The following TNRC6B variants were observed in gnomAD, a reference collection of about 807,000 sequenced individuals.
TNRC6B encodes the protein trinucleotide repeat-containing gene 6B protein.
A neutral mutation model predicts 203.6 loss-of-function variants in TNRC6B; 52 were observed. That is an observed-to-expected ratio of 0.26 (90% CI 0.20 to 0.32). The LOEUF (loss-of-function observed/expected upper bound fraction) is 0.32. Ranked by LOEUF, TNRC6B falls within the 10% of genes least tolerant of loss-of-function variation. The pLI is 1.00. For synonymous variants in TNRC6B, 838 were observed against 845.7 expected, an observed-to-expected ratio of 0.99 and a Z score of 0.16; for missense variants, 1,923 against 2,286.2, an observed-to-expected ratio of 0.84 and a Z score of 3.24.
Position 40,264,761 on chromosome 22 carries a change from C to A in TNRC6B, c.531C>A (p.Asn177Lys). 3 of 1,611,704 alleles carry A rather than the reference C, an allele frequency of 1.9e-6. No individual in the cohort carries two copies. The highest frequency in any genetic ancestry group is 2.5e-6 in the Non-Finnish European group (3 of 1,178,804). Reference sequence around the variant, plus strand: ...GGGGCTCGGGAGCCTCCTCCAACAACGGCACCTCCCCCAACCCAATTCACA... The same window carrying A: ...GGGGCTCGGGAGCCTCCTCCAACAAAGGCACCTCCCCCAACCCAATTCACA... ...STWGSGASSN[N>K]GTSPNPIHIW... Residue 177 changes from asparagine to lysine, a missense_variant, in exon 5 of 23, where the codon AAC (asparagine) becomes AAA (lysine). Asn to Lys is a moderately conservative substitution (Grantham distance 94). Coordinates refer to ENST00000454349, the MANE Select transcript of TNRC6B (RefSeq NM_001162501.2).
At chr22:40,104,913 G>C (rs1329416223) in intron 1 of TNRC6B, among the ~76,000 whole-genome samples, 1 of 152,188 alleles carries the variant, frequency 6.6e-6, no homozygotes, top group Non-Finnish European at 1.5e-5. Context: ...CTGGAATTTA[G>C]ACCAATCAGT....
At chr22:40,079,296 A>T (rs143412632) in intron 1 of TNRC6B, among the ~76,000 whole-genome samples, 20 of 152,172 alleles carry the variant, frequency 1.3e-4, no homozygotes, top group African/African-American at 4.8e-4. Flanking sequence ...CTGGTGGGCG[A>T]GTGGGTGTTA....
At chr22:40,239,449 G>T (rs1223584427) in intron 1 of TNRC6B, among the ~76,000 whole-genome samples, 1 of 152,162 alleles carries the variant, frequency 6.6e-6, no homozygotes, top group Non-Finnish European at 1.5e-5. Flanking sequence ...AATAGTTGTG[G>T]GGTCTGCAGA....
intron 11 of TNRC6B, among the ~76,000 whole-genome samples, chr22:40,283,231 A>G (rs907269714): frequency 1.5e-4 from 23 of 151,970 alleles, no homozygotes; most frequent in South Asian, 1.5e-3. Context: ...GTAGAGATGG[A>G]GTTTCACCAT....
chr22:40,260,394 A>T (rs192524688), intron 3 of TNRC6B, among the ~76,000 whole-genome samples: 122 of 152,276 alleles, frequency 8.0e-4, no homozygotes, highest in Non-Finnish European at 1.3e-3. Flanking sequence ...AAGATGAAAG[A>T]TGGGTCCTTG....
chr22:40,282,793 T>G (rs1190634398), intron 11 of TNRC6B, among the ~76,000 whole-genome samples: 1 of 152,190 alleles, frequency 6.6e-6, no homozygotes, highest in Non-Finnish European at 1.5e-5. Context: ...TACTTCATAT[T>G]AATAAAATTT....
At chr22:40,141,948 G>A (rs192198743) in intron 3 of TNRC6B, among the ~76,000 whole-genome samples, 1 of 148,178 alleles carries the variant, frequency 6.7e-6, no homozygotes, top group Admixed American at 6.7e-5. Context: ...CTAATTTTTT[G>A]TATTTTTAGT....
chr22:40,225,636 G>A (rs974342850), intron 1 of TNRC6B, among the ~76,000 whole-genome samples: 3 of 151,466 alleles, frequency 2.0e-5, no homozygotes, highest in Admixed American at 6.6e-5. Context: ...CCAGCTACGC[G>A]GGAGGCTGAG....
intron 4 of TNRC6B, 72 bp from the exon 5 acceptor site, chr22:40,264,616 G>A: frequency 6.8e-7 from 1 of 1,478,734 alleles, no homozygotes; most frequent in Non-Finnish European, 9.0e-7. Flanking sequence ...GCTCAAAGGA[G>A]AGCCCCTTTG....
At chr22:40,214,672 C>T (rs1028279654) in intron 1 of TNRC6B, among the ~76,000 whole-genome samples, 13 of 151,884 alleles carry the variant, frequency 8.6e-5, no homozygotes, top group African/African-American at 2.9e-4. Flanking sequence ...CTGGTCTCAA[C>T]CTCTTAAGTA....
rs1171553037 is a variant in TNRC6B at position 40,335,771 on chromosome 22, A to AAAAAAAG, written c.*12531_*12532insAAAAAGA. 2 of 151,216 alleles carry AAAAAAAG rather than the reference A, an allele frequency of 1.3e-5. No individual in the cohort carries two copies. Among genetic ancestry groups the AAAAAAAG allele is most frequent in the East Asian group, 3.9e-4 (2 of 5,174 alleles). 9.4% of individuals were successfully genotyped at this position (151,216 alleles called of 1,614,324 possible). On this transcript the variant is annotated 3_prime_UTR_variant, in exon 23 of 23. Transcript: ENST00000454349. ...AATATTTTTGGGTTCCTGGAAAAAA[A>AAAAAAAG]AGAAAAAAGACTAATAAATGTGTTT...
In TNRC6B at chr22:40,265,888, C is replaced by T. The variant is rs375943780; in HGVS notation, c.1658C>T (p.Ala553Val). ...GHPLPENQGNAQAPCWGRSSS... is the reference protein window; with the variant it reads ...GHPLPENQGNVQAPCWGRSSS... ...CCCCTCCCTGAAAACCAAGGCAATG[C>T]CCAGGCTCCCTGTTGGGGAAGATCT... Residue 553 changes from alanine to valine, a missense_variant, in exon 5 of 23, where the codon GCC becomes GTC. Physicochemically the swap from Ala to Val is moderately conservative, Grantham distance 64 (BLOSUM62 0). Coordinates refer to ENST00000454349, the MANE Select transcript of TNRC6B (RefSeq NM_001162501.2). 1.9e-6 allele frequency: 3 copies of T among 1,613,880 alleles called. No homozygotes were observed. Among genetic ancestry groups the T allele is most frequent in the Non-Finnish European group, 2.5e-6 (3 of 1,179,902 alleles).
chr22:40,307,807 T>C (rs1230927775), intron 15 of TNRC6B, among the ~76,000 whole-genome samples: 1 of 152,152 alleles, frequency 6.6e-6, no homozygotes, highest in Non-Finnish European at 1.5e-5. Context: ...GCCAATTCTC[T>C]TCCTAAAATA....
intron 1 of TNRC6B, among the ~76,000 whole-genome samples, chr22:40,221,752 C>G (rs1033089502): frequency 5.4e-4 from 43 of 79,318 alleles, no homozygotes; most frequent in Non-Finnish European, 1.3e-4. Flanking sequence ...CTTCTTATTG[C>G]CCCCCCCCCT....
intron 3 of TNRC6B, among the ~76,000 whole-genome samples, chr22:40,149,679 C>CAAAAA (rs58482182): frequency 3.5e-5 from 3 of 84,838 alleles, no homozygotes; most frequent in Non-Finnish European, 4.5e-5. Flanking sequence ...CCTCCCCCGC[C>CAAAAA]AAAAAAAAAA....
chr22:40,295,313 T>C (rs2070924169), intron 12 of TNRC6B, among the ~76,000 whole-genome samples: 1 of 151,722 alleles, frequency 6.6e-6, no homozygotes, highest in African/African-American at 2.4e-5. Flanking sequence ...CCGTCTCTAT[T>C]AAAAAATACA....
At chr22:40,057,362 C>T (rs1352798886) in intron 1 of TNRC6B, among the ~76,000 whole-genome samples, 1 of 148,308 alleles carries the variant, frequency 6.7e-6, no homozygotes, top group African/African-American at 2.5e-5. Flanking sequence ...GGCACCATCT[C>T]GGCTCGTCGC....
intron 3 of TNRC6B, among the ~76,000 whole-genome samples, chr22:40,145,534 A>G (rs1008926711): frequency 2.6e-5 from 4 of 152,072 alleles, no homozygotes; most frequent in African/African-American, 9.7e-5. Flanking sequence ...AATTTATTCG[A>G]TGTTGAGGAA....
At chr22:40,155,179 C>T (rs911694109) in intron 3 of TNRC6B, among the ~76,000 whole-genome samples, 3 of 151,794 alleles carry the variant, frequency 2.0e-5, no homozygotes, top group Admixed American at 6.6e-5. Context: ...ACTATAAATA[C>T]TTTTGTATAT....
Sources: gnomAD v4.1 joint callset for allele counts (sites outside exome capture counted in the v4.1 genomes callset) on GRCh38, gnomAD v4.1.1 for gene constraint, MANE v1.5 for transcripts, NCBI Gene and HGNC (gene_info 2026-07-23, HGNC 2026-07-21) for gene names.